Variants in ROBO2 observed in about 807,000 individuals in gnomAD.
ROBO2 encodes roundabout guidance receptor 2.
ROBO2 carries 53 observed loss-of-function variants against 160.8 expected under a neutral mutation model. The ratio of observed to expected loss-of-function variants is 0.33; its 90% CI spans 0.26 to 0.41. The LOEUF is 0.41. Ranked by LOEUF, ROBO2 falls within the 10% of genes least tolerant of loss-of-function variation. ROBO2 has a pLI of 1.00. For missense variants in ROBO2, 1,577 were observed against 1,722.4 expected (o/e 0.92, Z 1.49); for synonymous variants, 664 against 611.7 (o/e 1.09, Z -1.26).
chr3:76,034,993 C>T (rs887190126), intron 2 of ROBO2, among the ~76,000 whole-genome samples: 2 of 152,008 alleles, frequency 1.3e-5, no homozygotes, highest in Non-Finnish European at 2.9e-5. Flanking sequence ...CAGTGCTTCT[C>T]TCTTTAACCT....
chr3:75,973,402 A>G (rs1185470671), intron 2 of ROBO2, among the ~76,000 whole-genome samples: 3 of 151,604 alleles, frequency 2.0e-5, no homozygotes, highest in African/African-American at 4.8e-5. Flanking sequence ...ATGGCCACTG[A>G]CACAATAATA....
intron 2 of ROBO2, among the ~76,000 whole-genome samples, chr3:76,923,607 T>C (rs2076804458): frequency 6.6e-6 from 1 of 152,222 alleles, no homozygotes; most frequent in Admixed American, 6.5e-5. Flanking sequence ...TCTGGCTCAT[T>C]GGCCAAGCTC....
rs59409802 is a variant in ROBO2 at position 77,538,170 on chromosome 3, CTTTTTTTTT to C, written c.935-8150_935-8142del. On this transcript the variant is annotated intron_variant, in intron 6 of 25. Coordinates refer to ENST00000461745, the Ensembl canonical transcript of ROBO2. ...GGTAATTTAGCAATTTGATCATTTA[CTTTTTTTTT>C]TTTTTTTTTTTTTTTTTGAGACGGA... is the stretch of plus-strand genomic sequence containing the variant. Among the ~76,000 whole-genome samples, 793 of 102,504 alleles carry C rather than the reference CTTTTTTTTT, an allele frequency of 7.7e-3. 8 individuals are homozygous for C. The highest frequency in any genetic ancestry group is 0.028 in the African/African-American group (701 of 25,434). 67.2% of individuals were successfully genotyped at this position (102,504 alleles called of 152,430 possible). A position where few individuals can be genotyped will look rare whatever the true frequency, so the allele number is the denominator to read the frequency against.
chr3:76,639,485 C>T (rs1173719700), intron 2 of ROBO2, among the ~76,000 whole-genome samples: 1 of 151,948 alleles, frequency 6.6e-6, no homozygotes, highest in Non-Finnish European at 1.5e-5. Flanking sequence ...CACACACACA[C>T]ACACATATCC....
chr3:76,141,712 T>C (rs1465978280), intron 2 of ROBO2, among the ~76,000 whole-genome samples: 1 of 151,926 alleles, frequency 6.6e-6, no homozygotes, highest in Non-Finnish European at 1.5e-5. Flanking sequence ...GCTAAATAAG[T>C]ATTTGAAGAT....
intron 2 of ROBO2, among the ~76,000 whole-genome samples, chr3:76,084,633 C>T (rs1559898452): frequency 6.6e-6 from 1 of 152,244 alleles, no homozygotes; most frequent in East Asian, 1.9e-4. Context: ...TAATATCTGG[C>T]ATGAAGTTTC....
chr3:77,520,286 G>A (rs1196718353), intron 5 of ROBO2, among the ~76,000 whole-genome samples: 2 of 151,282 alleles, frequency 1.3e-5, no homozygotes, highest in Admixed American at 6.6e-5. Flanking sequence ...TGAGAAAAGT[G>A]ACACATTCAG....
chr3:77,471,549 G>A (rs188373763), intron 2 of ROBO2, among the ~76,000 whole-genome samples: 2 of 152,298 alleles, frequency 1.3e-5, no homozygotes, highest in Admixed American at 6.5e-5. Context: ...ACATGGCACC[G>A]TGCATGATCA....
At chr3:77,203,525 A>G (rs986654917) in intron 2 of ROBO2, among the ~76,000 whole-genome samples, 2 of 152,236 alleles carry the variant, frequency 1.3e-5, no homozygotes, top group African/African-American at 4.8e-5. Flanking sequence ...TGGTGCTGAA[A>G]TTTAAAATGT....
chr3:77,107,959 C>A (rs573328184), intron 2 of ROBO2, among the ~76,000 whole-genome samples: 1 of 151,904 alleles, frequency 6.6e-6, no homozygotes, highest in South Asian at 2.1e-4. Flanking sequence ...GCTTTCTTTG[C>A]TTATTCAAAT....
At chr3:76,196,206 T>C (rs1051772177) in intron 2 of ROBO2, among the ~76,000 whole-genome samples, 1 of 152,134 alleles carries the variant, frequency 6.6e-6, no homozygotes, top group Non-Finnish European at 1.5e-5. Flanking sequence ...GAAATGGTTA[T>C]CAATGGTGCA....
chr3:76,098,343 A>G (rs914426326), intron 2 of ROBO2, among the ~76,000 whole-genome samples: 2 of 152,180 alleles, frequency 1.3e-5, no homozygotes, highest in African/African-American at 4.8e-5. Flanking sequence ...ATTCATCAGA[A>G]TGCAAAATCT....
intron 2 of ROBO2, among the ~76,000 whole-genome samples, chr3:76,724,267 T>G (rs1283913962): frequency 6.6e-6 from 1 of 152,130 alleles, no homozygotes; most frequent in Non-Finnish European, 1.5e-5. Flanking sequence ...TAGGCCAAGA[T>G]CATGCCACCA....
chr3:75,932,117 C>T (rs1377391940), intron 1 of ROBO2, among the ~76,000 whole-genome samples: 2 of 151,998 alleles, frequency 1.3e-5, no homozygotes, highest in Non-Finnish European at 2.9e-5. Flanking sequence ...TCAGTGTAAG[C>T]AGGAGTGGTT....
intron 2 of ROBO2, among the ~76,000 whole-genome samples, chr3:76,492,063 G>T (rs746694502): frequency 1.3e-4 from 20 of 152,112 alleles, no homozygotes; most frequent in Non-Finnish European, 2.6e-4. Flanking sequence ...GTTTCAATGA[G>T]CTGAGATCGT....
intron 2 of ROBO2, among the ~76,000 whole-genome samples, chr3:76,186,821 C>T (rs1701787488): frequency 1.3e-5 from 2 of 152,092 alleles, no homozygotes; most frequent in Admixed American, 6.6e-5. Context: ...TCTACTCTGA[C>T]CACTCTTCAA....
intron 2 of ROBO2, among the ~76,000 whole-genome samples, chr3:77,346,500 A>G (rs548573106): frequency 6.6e-6 from 1 of 152,294 alleles, no homozygotes; most frequent in East Asian, 1.9e-4. Flanking sequence ...TTGCTGTCAC[A>G]AACTTAGTGG....
At chr3:75,977,363 C>T (rs626912) in intron 2 of ROBO2, among the ~76,000 whole-genome samples, 115,278 of 151,354 alleles carry the variant, frequency 0.76, 45,025 homozygotes, top group South Asian at 0.9. Context: ...TCTCAAACTA[C>T]TAATACTTGT....
chr3:77,526,005 T>C (rs2091116459), intron 6 of ROBO2, among the ~76,000 whole-genome samples: 1 of 151,494 alleles, frequency 6.6e-6, no homozygotes, highest in African/African-American at 2.4e-5. Context: ...TTATCTCTTT[T>C]TGATAGTCAA....
Sources: allele counts gnomAD v4.1 joint callset (sites outside exome capture counted in the v4.1 genomes callset), GRCh38; gene constraint gnomAD v4.1.1; transcripts MANE v1.5; gene names NCBI Gene and HGNC (gene_info 2026-07-23, HGNC 2026-07-21).